The following PDHX variants were observed in gnomAD, a reference collection of about 807,000 sequenced individuals.
PDHX encodes pyruvate dehydrogenase protein X component, mitochondrial.
PDHX carries 33 observed loss-of-function variants against 55.3 expected under a neutral mutation model. The ratio of observed to expected loss-of-function variants is 0.60; its 90% CI spans 0.45 to 0.80. PDHX has a LOEUF of 0.80. Among genes scored for constraint, PDHX ranks in the 30% least tolerant of loss-of-function variants. The probability of loss-of-function intolerance (pLI) is 0.00; values close to 1 mark genes in which losing one functional copy is unlikely to be tolerated. For missense variants in PDHX, 622 were observed against 619.9 expected (o/e 1.00, Z -0.04); for synonymous variants, 226 against 219.4 (o/e 1.03, Z -0.27).
At chr11:34,960,555 T>C (rs780972643) in intron 5 of PDHX, 37 bp downstream of exon 5, 7 of 1,181,300 alleles carry the variant, frequency 5.9e-6, no homozygotes, top group Admixed American at 5.2e-5. Context: ...AGTTCCATTA[T>C]TTATTATGAT....
intron 7 of PDHX, among the ~76,000 whole-genome samples, chr11:34,971,083 A>C (rs1467071206): frequency 2.0e-5 from 3 of 152,078 alleles, no homozygotes; most frequent in Non-Finnish European, 4.4e-5. Context: ...AAAATCCAAA[A>C]CTTTTAAGGA....
At chr11:34,954,494 CTCTG>C (rs1854859816) in intron 3 of PDHX, among the ~76,000 whole-genome samples, 2 of 152,210 alleles carry the variant, frequency 1.3e-5, no homozygotes, top group South Asian at 4.1e-4. Context: ...AGAATTCAGC[CTCTG>C]TCTGAGAATT....
intron 4 of PDHX, among the ~76,000 whole-genome samples, 181 bp downstream of exon 4, chr11:34,957,764 A>G (rs980143872): frequency 4.6e-5 from 7 of 152,054 alleles, no homozygotes; most frequent in Non-Finnish European, 7.4e-5. Context: ...CATTCAGTAA[A>G]TAAATAGTTA....
At chr11:34,943,856 C>T (rs1854553873) in intron 2 of PDHX, among the ~76,000 whole-genome samples, 2 of 152,008 alleles carry the variant, frequency 1.3e-5, no homozygotes, top group Admixed American at 1.3e-4. Flanking sequence ...CCTTTTCTCA[C>T]CTTACAAAAA....
At chr11:34,950,352 G>A (rs986841896) in intron 3 of PDHX, among the ~76,000 whole-genome samples, 6 of 150,048 alleles carry the variant, frequency 4.0e-5, no homozygotes, top group Non-Finnish European at 5.9e-5. Context: ...TTTAATGTTT[G>A]TTTATTTATT....
chr11:34,957,730 T>TG (rs1491216092), intron 4 of PDHX, 147 bp downstream of exon 4: 55 of 31,176 alleles, frequency 1.8e-3, no homozygotes, highest in African/African-American at 0.014. Flanking sequence ...AGAGTGTGTG[T>TG]TTTTTTTTTT....
intron 3 of PDHX, among the ~76,000 whole-genome samples, chr11:34,948,100 T>C (rs1401614188): frequency 6.6e-6 from 1 of 152,204 alleles, no homozygotes; most frequent in African/African-American, 2.4e-5. Flanking sequence ...TCATCCCCTG[T>C]GCCTTTTTCT....
intron 2 of PDHX, among the ~76,000 whole-genome samples, chr11:34,932,244 A>T (rs1303254885): frequency 6.6e-6 from 1 of 152,170 alleles, no homozygotes; most frequent in Non-Finnish European, 1.5e-5. Context: ...CAAAATCCAG[A>T]TTATAATATG....
intron 3 of PDHX, among the ~76,000 whole-genome samples, chr11:34,953,071 T>C (rs536391010): frequency 1.5e-4 from 23 of 152,180 alleles, no homozygotes; most frequent in Admixed American, 1.3e-3. Context: ...AGCCAAATCA[T>C]GAGTGAACTC....
chr11:34,932,492 T>C (rs566286465), intron 2 of PDHX, among the ~76,000 whole-genome samples: 1 of 152,306 alleles, frequency 6.6e-6, no homozygotes, highest in South Asian at 2.1e-4. Flanking sequence ...CGCCTAACCT[T>C]TCAACTGGTA....
intron 5 of PDHX, among the ~76,000 whole-genome samples, chr11:34,960,735 G>A (rs996285033): frequency 6.6e-6 from 1 of 152,100 alleles, no homozygotes; most frequent in African/African-American, 2.4e-5. Flanking sequence ...CTCTAATTTG[G>A]TAACTAAGCA....
chr11:34,984,745 AGT>A lies in PDHX; in HGVS notation c.1182+21_1182+22del, dbSNP rs759698862. The A allele has an allele frequency of 3.1e-6, 5 of 1,611,756 alleles. No homozygotes were observed. The Admixed American group carries it at 5.0e-5, about 16-fold the overall frequency. On this transcript the variant is annotated intron_variant, in intron 9 of 10. Coordinates refer to ENST00000227868, the MANE Select transcript of PDHX (RefSeq NM_003477.3). ...TCTGTAAAGGTATGTCTTAAGAAAG[AGT>A]GTGCTTTCAAAATGTTAGCATATAC... is the stretch of plus-strand genomic sequence containing the variant.
intron 2 of PDHX, among the ~76,000 whole-genome samples, chr11:34,935,751 TGGTGAATCAAG>T (rs1476485954): frequency 1.3e-5 from 2 of 152,092 alleles, no homozygotes; most frequent in Non-Finnish European, 2.9e-5. Flanking sequence ...TCTGGAGCAA[TGGTGAATCAAG>T]TGTTAAAAAG....
At chr11:34,974,861 T>C (rs1031118555) in intron 7 of PDHX, among the ~76,000 whole-genome samples, 3 of 152,140 alleles carry the variant, frequency 2.0e-5, no homozygotes, top group Non-Finnish European at 2.9e-5. Flanking sequence ...TGAGCTATAA[T>C]TGCACCACTT....
chr11:34,964,990 C>T (rs575253256), intron 5 of PDHX, among the ~76,000 whole-genome samples: 1 of 152,200 alleles, frequency 6.6e-6, no homozygotes, highest in African/African-American at 2.4e-5. Context: ...GATTTTTGCA[C>T]CCCAGTTAGA....
At chr11:34,931,561 G>GTCCTGTT in intron 2 of PDHX, 77 bp downstream of exon 2, 2 of 745,688 alleles carry the variant, frequency 2.7e-6, no homozygotes, top group Non-Finnish European at 4.6e-6. Context: ...TTCCTAATCT[G>GTCCTGTT]TCCTGTTATA....
At chr11:34,965,005 TC>T (rs1855102227) in intron 5 of PDHX, among the ~76,000 whole-genome samples, 1 of 152,180 alleles carries the variant, frequency 6.6e-6, no homozygotes, top group African/African-American at 2.4e-5. Flanking sequence ...GTTAGACTGT[TC>T]CTGCTTGTGT....
intron 9 of PDHX, among the ~76,000 whole-genome samples, chr11:34,986,234 G>A (rs1855639026): frequency 6.6e-6 from 1 of 151,680 alleles, no homozygotes; most frequent in South Asian, 2.1e-4. Flanking sequence ...GAACCTGGGA[G>A]GCAGAGGTTG....
intron 3 of PDHX, among the ~76,000 whole-genome samples, chr11:34,947,807 G>C (rs1273699893): frequency 1.3e-5 from 2 of 152,052 alleles, no homozygotes; most frequent in Non-Finnish European, 2.9e-5. Context: ...TAAATTTTCT[G>C]TAATGTGCGT....
Sources: gnomAD v4.1 joint callset for allele counts (sites outside exome capture counted in the v4.1 genomes callset) on GRCh38, gnomAD v4.1.1 for gene constraint, MANE v1.5 for transcripts, NCBI Gene and HGNC (gene_info 2026-07-23, HGNC 2026-07-21) for gene names.